PGBD1: variants seen among roughly 807,000 people sequenced by gnomAD.
PGBD1 encodes the protein piggyBac transposable element derived 1.
In PGBD1, 25 loss-of-function variants were observed where a neutral mutation model predicts 34.7. The observed-to-expected ratio is 0.72, with a 90% CI of 0.52 to 1.00. The LOEUF is 1.00. Among genes scored for constraint, PGBD1 ranks in the 50% least tolerant of loss-of-function variants. PGBD1 has a pLI of 0.00. For synonymous variants in PGBD1, 292 were observed against 335.7 expected (o/e 0.87, Z 1.42); for missense variants, 830 against 959.4 (o/e 0.87, Z 1.78).
Position 28,296,925 on chromosome 6 carries a change from T to C in PGBD1, c.752T>C (p.Val251Ala). Residue 251 changes from valine (V) to alanine (A), a missense_variant, in exon 5 of 7, where the codon GTT (valine) becomes GCT (alanine). By Grantham distance (64) the Val-to-Ala change is moderately conservative. Around this residue, in one of 3 missense-constraint regions of PGBD1, gnomAD observed 457 missense variants for 515.4 expected, o/e 0.89. Coordinates refer to ENST00000682144, the MANE Select transcript of PGBD1 (RefSeq NM_032507.4). ...NLCGNSAQET[V>A]MSLSPMTEEI... ...TGTGGGAACTCAGCTCAGGAGACAGTTATGAGCCTCAGTCCGATGAGTAAG... is the reference window on the plus strand; with the variant it reads ...TGTGGGAACTCAGCTCAGGAGACAGCTATGAGCCTCAGTCCGATGAGTAAG... 1 of 1,614,102 alleles carries C rather than the reference T, an allele frequency of 6.2e-7. No individual in the cohort carries two copies. The highest frequency in any genetic ancestry group is 8.5e-7 in the Non-Finnish European group (1 of 1,179,984).
chr6:28,281,601 A>AGCGCCCGCC lies in PGBD1; in HGVS notation c.-355_-347dup. On this transcript the variant is annotated 5_prime_UTR_variant, in exon 1 of 7. Transcript: ENST00000682144. The stretch of plus-strand genomic sequence containing the variant: ...CCGCCCAGCTGCTGGAGGCGCCGGC[A>AGCGCCCGCC]GCGCCCGCCAGACCCGCCAGCCCAG... 2.6e-6 allele frequency: 1 copy of AGCGCCCGCC among 384,730 alleles called. No individual in the cohort carries two copies. Among genetic ancestry groups the AGCGCCCGCC allele is most frequent in the Non-Finnish European group, 4.6e-6 (1 of 217,878 alleles). 23.8% of individuals were successfully genotyped at this position (384,730 alleles called of 1,614,324 possible). A position where few individuals can be genotyped will look rare whatever the true frequency, so the allele number is the denominator to read the frequency against.
At chr6:28,291,918 T>G (rs1013071516) in intron 4 of PGBD1, among the ~76,000 whole-genome samples, 1 of 151,614 alleles carries the variant, frequency 6.6e-6, no homozygotes, top group Non-Finnish European at 1.5e-5. Context: ...ATAAAAACCC[T>G]TGTCAAAATT....
chr6:28,297,046 C>T, intron 5 of PGBD1, 101 bp downstream of exon 5: 1 of 1,286,974 alleles, frequency 7.8e-7, no homozygotes, highest in East Asian at 2.5e-5. Flanking sequence ...CAGACCCACA[C>T]CCTTCCTTTC....
At position 28,301,803 on chromosome 6, in the gene PGBD1, T is replaced by C. The variant is rs1762851781; in HGVS notation, c.1949T>C (p.Ile650Thr). Residue 650 changes from isoleucine (I) to threonine (T), a missense_variant, in exon 7 of 7, where the codon ATT becomes ACT. Coordinates refer to ENST00000682144, the MANE Select transcript of PGBD1 (RefSeq NM_032507.4). Reference sequence around the variant, plus strand: ...AAGGGGGTGAGGGCAACAGGAACAATTCGTGAGAACAGGACCGAAAAATGT... The same window carrying C: ...AAGGGGGTGAGGGCAACAGGAACAACTCGTGAGAACAGGACCGAAAAATGT... ...KKKGVRATGT[I>T]RENRTEKCPL... 6.2e-7 allele frequency: 1 copy of C among 1,614,028 alleles called. No homozygotes were observed. Among genetic ancestry groups the C allele is most frequent in the African/African-American group, 1.3e-5 (1 of 74,898 alleles).
At chr6:28,283,755 G>C in intron 1 of PGBD1, 21 bp from the exon 2 acceptor site, 1 of 1,502,528 alleles carries the variant, frequency 6.7e-7, no homozygotes, top group South Asian at 1.4e-5. Context: ...TTATGCCTCA[G>C]ATCTCTATTT....
rs1055781025 is a variant in PGBD1 at position 28,289,040 on chromosome 6, A to G, written c.642+1872A>G. ...AAATAAATTTTAAAAATAGAGAAAT[A>G]ATAACAAAAATCTTCACAAAACTTG... On this transcript the variant is annotated intron_variant, in intron 4 of 6. Transcript: ENST00000682144. 6.6e-5 allele frequency among the ~76,000 whole-genome samples: 10 copies of G among 152,136 alleles called. No individual in the cohort carries two copies. The East Asian group carries it at 1.9e-3, about 29-fold the overall frequency.
rs752854417 is a variant in PGBD1, at chr6:28,300,916, C to G, written c.1062C>G (p.Leu354=). The G allele has an allele frequency of 5.0e-6, 8 of 1,614,038 alleles. No homozygotes were observed. In the Admixed American group the frequency reaches 1.3e-4, roughly 27 times the overall value. ...ACAAAGCTCGAGTGAGTGAACTGCT[C>G]CAAGGCCTCTCATTCTCTGGTGACT... ...KKDKARVSEL[L]QGLSFSGDSD... The change falls in exon 7 of 7, where the codon CTC becomes CTG. Residue 354 remains leucine (L), a synonymous_variant. Coordinates refer to ENST00000682144, the MANE Select transcript of PGBD1 (RefSeq NM_032507.4). The surrounding 1 kb of genome is among the most constrained non-coding windows in gnomAD (Gnocchi z 4.0).
chr6:28,289,136 T>G (rs1352721982), intron 4 of PGBD1, among the ~76,000 whole-genome samples: 1 of 152,044 alleles, frequency 6.6e-6, no homozygotes, highest in African/African-American at 2.4e-5. Flanking sequence ...ATAAGACTAC[T>G]CCAAGGCATA....
intron 4 of PGBD1, among the ~76,000 whole-genome samples, chr6:28,291,790 G>A (rs1254045914): frequency 6.6e-6 from 1 of 151,992 alleles, no homozygotes; most frequent in Non-Finnish European, 1.5e-5. Context: ...ATGCAAGGAT[G>A]GTTCAACATA....
chr6:28,286,961 C>T (rs935998612), intron 3 of PGBD1, 119 bp from the exon 4 acceptor site: 26 of 740,996 alleles, frequency 3.5e-5, no homozygotes, highest in Non-Finnish European at 5.0e-5. Flanking sequence ...GTAAAATCTA[C>T]GTCTTAGTTC....
rs1219500575 is a variant in PGBD1, at chr6:28,296,943, T to C, written c.770T>C (p.Met257Thr). Residue 257 changes from methionine (M) to threonine (T), a missense_variant and splice_region_variant, in exon 5 of 7, where the codon ATG becomes ACG. By Grantham distance (81) the Met-to-Thr change is moderately conservative. Coordinates refer to ENST00000682144, the MANE Select transcript of PGBD1 (RefSeq NM_032507.4). Reference protein sequence around the residue: ...AQETVMSLSPMTEEIVTKDRL... With the variant: ...AQETVMSLSPTTEEIVTKDRL... ...GAGACAGTTATGAGCCTCAGTCCGA[T>C]GAGTAAGGCCAGGCCTCTGGCTGGA... 4 of 1,614,028 alleles carry C rather than the reference T, an allele frequency of 2.5e-6. No individual in the cohort carries two copies. The highest frequency in any genetic ancestry group is 3.4e-6 in the Non-Finnish European group (4 of 1,179,936).
intron 3 of PGBD1, among the ~76,000 whole-genome samples, chr6:28,286,637 T>C (rs998766350): frequency 9.9e-5 from 15 of 152,164 alleles, no homozygotes; most frequent in African/African-American, 3.4e-4. Flanking sequence ...TTTTTAAATA[T>C]CTTTATTTTC....
Position 28,281,623 on chromosome 6 carries a change from C to T in PGBD1, c.-334C>T, listed in dbSNP as rs1182948917. The stretch of plus-strand genomic sequence containing the variant: ...GGCAGCGCCCGCCAGACCCGCCAGC[C>T]CAGCGGCCCGGGCTCTGGGGAAACC... On this transcript the variant is annotated 5_prime_UTR_variant, in exon 1 of 7. Transcript: ENST00000682144. 1 of 380,152 alleles carries T rather than the reference C, an allele frequency of 2.6e-6. No homozygotes were observed. The highest frequency in any genetic ancestry group is 4.6e-6 in the Non-Finnish European group (1 of 215,062). The allele number at this position is 380,152 out of a possible 1,614,324, so 23.5% of individuals were successfully genotyped here.
intron 3 of PGBD1, 53 bp from the exon 4 acceptor site, chr6:28,287,027 T>C (rs1293099356): frequency 1.4e-6 from 2 of 1,395,780 alleles, no homozygotes; most frequent in South Asian, 1.2e-5. Flanking sequence ...CCAAAAAGGG[T>C]ACCCTAAAGG....
intron 4 of PGBD1, among the ~76,000 whole-genome samples, chr6:28,292,207 G>A (rs764103229): frequency 6.6e-6 from 1 of 152,110 alleles, no homozygotes; most frequent in African/African-American, 2.4e-5. Context: ...AAAACTGTTA[G>A]TGCTGATAAA....
At position 28,297,961 on chromosome 6, in the gene PGBD1, A is replaced by G. The variant is rs376355935; in HGVS notation, c.839A>G (p.Gln280Arg). The G allele has an allele frequency of 1.2e-6, 2 of 1,611,590 alleles. No individual in the cohort carries two copies. The highest frequency in any genetic ancestry group is 1.3e-5 in the African/African-American group (1 of 74,744). The change falls in exon 6 of 7, where the codon CAA becomes CGA. Residue 280 changes from glutamine (Q) to arginine (R), a missense_variant. Gln to Arg is a conservative substitution (Grantham distance 43, BLOSUM62 1). Around this residue, in one of 3 missense-constraint regions of PGBD1, gnomAD observed 457 missense variants for 515.4 expected, o/e 0.89. Transcript: ENST00000682144. ...CAAGAAACTTCTGAAGAAATGGAACAAAGTGGAGAAGCCTCAGGAAAGCCC... is the reference window on the plus strand; with the variant it reads ...CAAGAAACTTCTGAAGAAATGGAACGAAGTGGAGAAGCCTCAGGAAAGCCC... Reference protein sequence around the residue: ...AKQETSEEMEQSGEASGKPNR... With the variant: ...AKQETSEEMERSGEASGKPNR...
intron 4 of PGBD1, among the ~76,000 whole-genome samples, chr6:28,291,550 CAAAAAAA>C (rs56160771): frequency 8.3e-6 from 1 of 120,620 alleles, no homozygotes; most frequent in Non-Finnish European, 1.9e-5. Flanking sequence ...TCAAATTCTT[CAAAAAAA>C]AAAAAAAAAA....
chr6:28,286,998 G>T, intron 3 of PGBD1, 82 bp from the exon 4 acceptor site: 1 of 1,016,152 alleles, frequency 9.8e-7, no homozygotes, highest in Non-Finnish European at 1.6e-6. Flanking sequence ...CATAACATTT[G>T]GGGGAAAAGG....
At chr6:28,298,149 A>G (rs1467175281) in intron 6 of PGBD1, among the ~76,000 whole-genome samples, 158 bp downstream of exon 6, 1 of 152,082 alleles carries the variant, frequency 6.6e-6, no homozygotes, top group African/African-American at 2.4e-5. Context: ...CAAGAAAGTG[A>G]CCTATTCAAA....
Sources: allele counts gnomAD v4.1 joint callset (sites outside exome capture counted in the v4.1 genomes callset), GRCh38; gene constraint gnomAD v4.1.1; regional missense constraint gnomAD v4.1.1; non-coding constraint Gnocchi (gnomAD v3.1); transcripts MANE v1.5; gene names NCBI Gene and HGNC (gene_info 2026-07-23, HGNC 2026-07-21).